The following KDM1B variants were observed in gnomAD, a reference collection of about 807,000 sequenced individuals.
KDM1B encodes lysine-specific histone demethylase 2.
A neutral mutation model predicts 107.4 loss-of-function variants in KDM1B; 63 were observed. That is an observed-to-expected ratio of 0.59 (90% CI 0.48 to 0.72). KDM1B has a LOEUF of 0.72. Ranked by LOEUF, KDM1B falls within the 30% of genes least tolerant of loss-of-function variation. The pLI is 0.00. For synonymous variants in KDM1B, 363 were observed against 363.9 expected, an observed-to-expected ratio of 1.00 and a Z score of 0.03; for missense variants, 749 against 1,020.8, an observed-to-expected ratio of 0.73 and a Z score of 3.63.
chr6:18,194,193 T>G (rs1379679270), intron 10 of KDM1B, among the ~76,000 whole-genome samples: 1 of 152,098 alleles, frequency 6.6e-6, no homozygotes, highest in Non-Finnish European at 1.5e-5. Context: ...CTTGTATTTT[T>G]AGTAGAGATG....
chr6:18,196,362 T>C (rs374487191), intron 10 of KDM1B, among the ~76,000 whole-genome samples: 1 of 152,176 alleles, frequency 6.6e-6, no homozygotes, highest in African/African-American at 2.4e-5. Context: ...TGCTGGATCG[T>C]ATGGTAGTTT....
Position 18,214,248 on chromosome 6 carries a change from C to T in KDM1B, c.2109+467C>T, listed in dbSNP as rs146288594. On this transcript the variant is annotated intron_variant, in intron 19 of 21. Transcript: ENST00000650836. This position sits in a 1 kb window ranked among gnomAD's most constrained non-coding sequence, Gnocchi z 4.4. The stretch of plus-strand genomic sequence containing the variant: ...TGGACGGGGGTGGTCACTTTCTCTG[C>T]CGTCATGTCACTGCCACACGAAAGA... 3.7e-4 allele frequency among the ~76,000 whole-genome samples: 56 copies of T among 152,312 alleles called. No homozygotes were observed. Among genetic ancestry groups the T allele is most frequent in the African/African-American group, 1.2e-3 (48 of 41,572 alleles).
At chr6:18,198,616 T>C (rs214616) in intron 12 of KDM1B, among the ~76,000 whole-genome samples, 28,560 of 125,612 alleles carry the variant, frequency 0.23, 4,649 homozygotes, top group African/African-American at 0.48. Context: ...CCAGCCTGGG[T>C]GACAGAGCGA....
chr6:18,222,851 TATTTA>T lies in KDM1B; in HGVS notation c.*861_*865del, dbSNP rs1789867538. 6.6e-6 allele frequency: 1 copy of T among 152,646 alleles called. No individual in the cohort carries two copies. The highest frequency in any genetic ancestry group is 1.5e-5 in the Non-Finnish European group (1 of 68,036). The allele number at this position is 152,646 out of a possible 1,614,324, so 9.5% of individuals were successfully genotyped here. A position where few individuals can be genotyped will look rare whatever the true frequency, so the allele number is the denominator to read the frequency against. ...TAACCAAGCCCCTCTCCACTTCTTT[TATTTA>T]AAAGCACTGATTCAATTGCTAGGAA... On this transcript the variant is annotated 3_prime_UTR_variant, in exon 22 of 22. Coordinates refer to ENST00000650836, the MANE Select transcript of KDM1B (RefSeq NM_001364614.2).
chr6:18,176,850 A>G (rs11967714), intron 7 of KDM1B, among the ~76,000 whole-genome samples: 130,814 of 152,158 alleles, frequency 0.86, 56,903 homozygotes, highest in Non-Finnish European at 0.93. Context: ...TGTTGGATTC[A>G]GTTAGCTAGT....
chr6:18,161,504 C>A (rs768502047), intron 4 of KDM1B, 50 bp downstream of exon 4: 3 of 1,599,804 alleles, frequency 1.9e-6, no homozygotes, highest in Admixed American at 1.7e-5. Flanking sequence ...GTGAGAAGTT[C>A]TTTGTGGAAA....
intron 17 of KDM1B, among the ~76,000 whole-genome samples, chr6:18,208,603 G>GTGTGTATATATATATATATATATATA (rs1359166965): frequency 0.011 from 385 of 34,890 alleles, 56 homozygotes; most frequent in East Asian, 0.017. Flanking sequence ...GTATGTGTAT[G>GTGTGTATATATATATATATATATATA]TATATATATA....
At chr6:18,168,715 A>C (rs1785475556) in intron 6 of KDM1B, among the ~76,000 whole-genome samples, 1 of 152,134 alleles carries the variant, frequency 6.6e-6, no homozygotes, top group Non-Finnish European at 1.5e-5. Flanking sequence ...TCCTGTCTGT[A>C]GCATATGAGG....
chr6:18,204,536 T>C lies in KDM1B; in HGVS notation c.1532-1001T>C, dbSNP rs1788247938. On this transcript the variant is annotated intron_variant, in intron 14 of 21. Transcript: ENST00000650836. This position sits in a 1 kb window ranked among gnomAD's most constrained non-coding sequence, Gnocchi z 4.9. ...AAACGTGGAGTCTGTGATACATGTT[T>C]TGGATGGTTGTCATCACTGGAACAG... 6.6e-6 allele frequency among the ~76,000 whole-genome samples: 1 copy of C among 152,104 alleles called. No individual in the cohort carries two copies. Among genetic ancestry groups the C allele is most frequent in the South Asian group, 2.1e-4 (1 of 4,830 alleles).
At chr6:18,187,372 A>G (rs1412161849) in intron 8 of KDM1B, among the ~76,000 whole-genome samples, 1 of 152,178 alleles carries the variant, frequency 6.6e-6, no homozygotes, top group African/African-American at 2.4e-5. Flanking sequence ...CCAGTTTCCC[A>G]ATTTTAACTA....
At chr6:18,199,699 C>CTTT (rs10706835) in intron 12 of KDM1B, among the ~76,000 whole-genome samples, 1 of 139,338 alleles carries the variant, frequency 7.2e-6, no homozygotes, top group Non-Finnish European at 1.6e-5. Flanking sequence ...GAGTGGCATA[C>CTTT]TTTTTTTTTT....
chr6:18,207,566 G>A (rs1272416954), intron 16 of KDM1B, 37 bp downstream of exon 16: 2 of 1,611,080 alleles, frequency 1.2e-6, no homozygotes, highest in African/African-American at 2.7e-5. Flanking sequence ...GGCTCGCCTT[G>A]TTTGGGGAGG....
chr6:18,200,683 C>T lies in KDM1B; in HGVS notation c.1359+107C>T, dbSNP rs982205853. 1.4e-5 allele frequency: 13 copies of T among 904,300 alleles called. No homozygotes were observed. The African/African-American group carries it at 2.0e-4, about 14-fold the overall frequency. 56.0% of individuals were successfully genotyped at this position (904,300 alleles called of 1,614,324 possible). On this transcript the variant is annotated intron_variant, in intron 13 of 21. Transcript: ENST00000650836. The surrounding 1 kb of genome is among the most constrained non-coding windows in gnomAD (Gnocchi z 4.3). The stretch of plus-strand genomic sequence containing the variant: ...CTAAAGTAAATTACATATAACAGCC[C>T]CCTCATCTCCTATGCAAAGCAGTAA...
At chr6:18,193,607 A>T (rs931063888) in intron 10 of KDM1B, among the ~76,000 whole-genome samples, 2 of 151,904 alleles carry the variant, frequency 1.3e-5, no homozygotes, top group Non-Finnish European at 2.9e-5. Flanking sequence ...TGGCCTTGAA[A>T]TGATTTTTTT....
intron 7 of KDM1B, among the ~76,000 whole-genome samples, chr6:18,184,516 C>T (rs1786705887): frequency 6.6e-6 from 1 of 151,732 alleles, no homozygotes; most frequent in Admixed American, 6.6e-5. Flanking sequence ...CTTAGGTGAT[C>T]CACCCACCTC....
chr6:18,181,399 A>G (rs9477653), intron 7 of KDM1B, among the ~76,000 whole-genome samples: 3,321 of 152,306 alleles, frequency 0.022, 118 homozygotes, highest in African/African-American at 0.075. Flanking sequence ...ATTGTTGAAC[A>G]TAAAATATTT....
intron 21 of KDM1B, among the ~76,000 whole-genome samples, chr6:18,220,524 A>C (rs1390473265): frequency 1.3e-5 from 2 of 151,978 alleles, no homozygotes; most frequent in Non-Finnish European, 2.9e-5. Context: ...CCAGCCTGGG[A>C]GACAGAGTGA....
intron 7 of KDM1B, among the ~76,000 whole-genome samples, chr6:18,183,397 A>G (rs2150893586): frequency 6.7e-6 from 1 of 150,176 alleles, no homozygotes; most frequent in East Asian, 2.0e-4. Flanking sequence ...CCTCCTGAGT[A>G]GCTGGTGCCC....
In KDM1B at chr6:18,222,288, C is replaced by T. The variant is rs1420450047; in HGVS notation, c.*296C>T. On this transcript the variant is annotated 3_prime_UTR_variant, in exon 22 of 22. Coordinates refer to ENST00000650836, the MANE Select transcript of KDM1B (RefSeq NM_001364614.2). ...GTTGAGGCCATGGATTTGATTGTTC[C>T]ATGGCTGGAAGTTCCCTTTAGATTT... 1 of 474,348 alleles carries T rather than the reference C, an allele frequency of 2.1e-6. No individual in the cohort carries two copies. The highest frequency in any genetic ancestry group is 4.0e-6 in the Non-Finnish European group (1 of 251,586). 29.4% of individuals were successfully genotyped at this position (474,348 alleles called of 1,614,324 possible).
Sources: gnomAD v4.1 joint callset for allele counts (sites outside exome capture counted in the v4.1 genomes callset) on GRCh38, gnomAD v4.1.1 for gene constraint, Gnocchi (gnomAD v3.1) non-coding constraint, MANE v1.5 for transcripts, NCBI Gene and HGNC (gene_info 2026-07-23, HGNC 2026-07-21) for gene names.